IL7: variants seen among roughly 807,000 people sequenced by gnomAD.
IL7 encodes the protein interleukin 7, also known as interleukin-7.
IL7 carries 3 observed loss-of-function variants against 21.6 expected under a neutral mutation model. The ratio of observed to expected loss-of-function variants is 0.14; its 90% confidence interval spans 0.06 to 0.36. The LOEUF (loss-of-function observed/expected upper bound fraction) is 0.36. IL7 is among the 10% of genes least tolerant of loss of function. IL7 has a pLI of 1.00. For missense variants in IL7, 175 were observed against 200.2 expected, an observed-to-expected ratio of 0.87 and a Z score of 0.76; for synonymous variants, 62 against 68.1, an observed-to-expected ratio of 0.91 and a Z score of 0.44.
chr8:78,716,039 C>CAAA (rs753499894), downstream of IL7, among the ~76,000 whole-genome samples: 1 of 57,056 alleles, frequency 1.8e-5, no homozygotes, highest in African/African-American at 7.0e-5. Context: ...GACTCCATCT[C>CAAA]AAAAAAAAAA....
At chr8:78,745,508 C>A (rs188606342) in intron 2 of IL7, among the ~76,000 whole-genome samples, 2 of 152,134 alleles carry the variant, frequency 1.3e-5, no homozygotes, top group Admixed American at 6.6e-5. Flanking sequence ...ACATTGGTTT[C>A]TTAGAGACTT....
chr8:78,680,027 T>C (rs937210846), intron 4 of IL7, among the ~76,000 whole-genome samples: 3 of 152,136 alleles, frequency 2.0e-5, no homozygotes, highest in Admixed American at 2.0e-4. Context: ...AACTTTCACT[T>C]TGCTACATAC....
intron 3 of IL7, among the ~76,000 whole-genome samples, chr8:78,711,607 G>T (rs908622853): frequency 2.6e-5 from 4 of 152,176 alleles, no homozygotes; most frequent in Non-Finnish European, 2.9e-5. Flanking sequence ...GAAGAGTAGA[G>T]AAAGTTTCCA....
intron 3 of IL7, among the ~76,000 whole-genome samples, chr8:78,725,475 A>G (rs1223976934): frequency 6.6e-6 from 1 of 151,958 alleles, no homozygotes; most frequent in African/African-American, 2.4e-5. Context: ...TCTCCCAGAG[A>G]TTCTATGCAT....
intron 4 of IL7, among the ~76,000 whole-genome samples, chr8:78,684,931 A>G (rs1809916237): frequency 6.6e-6 from 1 of 152,194 alleles, no homozygotes. Context: ...AAGTTTCTCA[A>G]CTTGTTTATA....
intron 4 of IL7, chr8:78,678,445 G>T: frequency 1.4e-6 from 1 of 703,332 alleles, no homozygotes. Context: ...TTATTATTTT[G>T]TATTCAGGTT....
chr8:78,799,331 C>G (rs543427310), intron 1 of IL7, among the ~76,000 whole-genome samples: 1 of 152,232 alleles, frequency 6.6e-6, no homozygotes, highest in South Asian at 2.1e-4. Flanking sequence ...TCTATTATAT[C>G]ATGATCTGTC....
chr8:78,736,861 T>C (rs1320177882), intron 4 of IL7, among the ~76,000 whole-genome samples: 1 of 152,036 alleles, frequency 6.6e-6, no homozygotes, highest in African/African-American at 2.4e-5. Context: ...AATATAAAAA[T>C]AAAGTTAACA....
rs773355594 is a variant in IL7 at position 78,686,565 on chromosome 8, G to A, written n.215-618C>T. Reference sequence around the variant, plus strand: ...AAGGCCTTGATCAGGCCCTCAAAGAGGGTGGCAAACTTCCTCCTCCTCCTC... The same window carrying A: ...AAGGCCTTGATCAGGCCCTCAAAGAAGGTGGCAAACTTCCTCCTCCTCCTC... On this transcript the variant is annotated intron_variant and non_coding_transcript_variant, in intron 3 of 4. Coordinates refer to the IL7 transcript ENST00000523959. 1.0e-5 allele frequency: 16 copies of A among 1,533,722 alleles called. No homozygotes were observed. The Admixed American group carries it at 1.9e-4, about 18-fold the overall frequency.
intron 2 of IL7, among the ~76,000 whole-genome samples, chr8:78,791,789 G>A (rs1008878954): frequency 1.3e-5 from 2 of 152,082 alleles, no homozygotes; most frequent in Non-Finnish European, 2.9e-5. Flanking sequence ...CTTCTCTACA[G>A]TCTGTCATTA....
intron 3 of IL7, among the ~76,000 whole-genome samples, chr8:78,704,387 C>CAA (rs1307275741): frequency 0.079 from 5,167 of 65,088 alleles, 170 homozygotes; most frequent in Middle Eastern, 0.13. Flanking sequence ...GACTCCATCT[C>CAA]AAAAAAAAAA....
At chr8:78,735,328 T>G (rs1265073021) in intron 5 of IL7, among the ~76,000 whole-genome samples, 1 of 150,024 alleles carries the variant, frequency 6.7e-6, no homozygotes, top group African/African-American at 2.5e-5. Context: ...TGTTTTTTGT[T>G]TTGAGACGGA....
intron 5 of IL7, among the ~76,000 whole-genome samples, chr8:78,720,050 A>T (rs1418924648): frequency 6.6e-6 from 1 of 151,886 alleles, no homozygotes; most frequent in Non-Finnish European, 1.5e-5. Flanking sequence ...CAAGGTTAAT[A>T]GGAAACATGG....
intron 2 of IL7, chr8:78,760,968 T>A (rs1028438786): frequency 1.1e-5 from 18 of 1,575,518 alleles, no homozygotes; most frequent in African/African-American, 2.7e-5. Flanking sequence ...AGGACATTTT[T>A]AAGAACAACA....
chr8:78,695,550 C>T (rs373397215), intron 3 of IL7, among the ~76,000 whole-genome samples: 1 of 152,096 alleles, frequency 6.6e-6, no homozygotes, highest in Admixed American at 6.6e-5. Flanking sequence ...ATTTTATTAA[C>T]TCTGTTTTTA....
chr8:78,698,471 C>T lies in IL7; in HGVS notation n.215-12524G>A, dbSNP rs778502446. The T allele has an allele frequency of 1.2e-5, 19 of 1,613,040 alleles. No homozygotes were observed. The Admixed American group carries it at 3.2e-4, about 27-fold the overall frequency. ...AGCTCTTTGGGAAACAAACTTCAGA[C>T]CTTATCTCCCTCTCATAAAGGGATA... On this transcript the variant is annotated intron_variant and non_coding_transcript_variant, in intron 3 of 4. Transcript: ENST00000523959.
intron 2 of IL7, chr8:78,762,393 C>T: frequency 6.2e-7 from 1 of 1,611,936 alleles, no homozygotes; most frequent in Non-Finnish European, 8.5e-7. Context: ...ACTGCGTGCT[C>T]TTCCGCGTGC....
chr8:78,764,969 G>T (rs777746651), intron 2 of IL7, among the ~76,000 whole-genome samples: 2 of 152,088 alleles, frequency 1.3e-5, no homozygotes, highest in Non-Finnish European at 2.9e-5. Context: ...TATAGCATTA[G>T]TGAAAAAACA....
chr8:78,679,564 A>G (rs1367022042), intron 4 of IL7, among the ~76,000 whole-genome samples: 1 of 152,182 alleles, frequency 6.6e-6, no homozygotes, highest in African/African-American at 2.4e-5. Flanking sequence ...AGCCATGAAT[A>G]TGGAACCCAT....
Sources: gnomAD v4.1 joint callset for allele counts (sites outside exome capture counted in the v4.1 genomes callset) on GRCh38, gnomAD v4.1.1 for gene constraint, MANE v1.5 for transcripts, NCBI Gene and HGNC (gene_info 2026-07-23, HGNC 2026-07-21) for gene names.